Variants in CSMD1 observed in about 807,000 individuals in gnomAD.
CSMD1 encodes CUB and Sushi multiple domains 1.
CSMD1 carries 213 observed loss-of-function variants against 417.5 expected under a neutral mutation model. The ratio of observed to expected loss-of-function variants is 0.51; its 90% CI spans 0.46 to 0.57. The LOEUF is 0.57. Among genes scored for constraint, CSMD1 ranks in the 20% least tolerant of loss-of-function variants. The pLI is 0.00. For missense variants in CSMD1, 6,923 were observed against 4,529.7 expected, an observed-to-expected ratio of 1.53 and a Z score of -15.17; for synonymous variants, 2,862 against 1,736.8, an observed-to-expected ratio of 1.65 and a Z score of -16.11.
chr8:3,832,370 T>G (rs1802427060), intron 5 of CSMD1, among the ~76,000 whole-genome samples: 1 of 152,198 alleles, frequency 6.6e-6, no homozygotes, highest in Non-Finnish European at 1.5e-5. Context: ...ATATTTAGTT[T>G]TTTCTGGTGA....
chr8:3,759,015 G>C (rs930425414), intron 5 of CSMD1, among the ~76,000 whole-genome samples: 2 of 152,170 alleles, frequency 1.3e-5, no homozygotes, highest in African/African-American at 2.4e-5. Context: ...AACTGGAAAC[G>C]CAAACAAACG....
At chr8:3,053,586 C>T (rs542737435) in intron 49 of CSMD1, among the ~76,000 whole-genome samples, 1 of 152,194 alleles carries the variant, frequency 6.6e-6, no homozygotes, top group Admixed American at 6.5e-5. Context: ...GGACCGCTTT[C>T]ACGGGAAAGA....
chr8:4,586,567 G>T (rs1028701226), intron 2 of CSMD1, among the ~76,000 whole-genome samples: 1 of 150,928 alleles, frequency 6.6e-6, no homozygotes, highest in Non-Finnish European at 1.5e-5. Context: ...AACCTTTTTA[G>T]CATTTTTTTT....
At chr8:3,680,456 T>G (rs866288784) in intron 7 of CSMD1, among the ~76,000 whole-genome samples, 23 of 152,110 alleles carry the variant, frequency 1.5e-4, no homozygotes, top group African/African-American at 5.6e-4. Context: ...AGAAATTCCT[T>G]GACACATACA....
intron 6 of CSMD1, among the ~76,000 whole-genome samples, chr8:3,744,711 C>A (rs572173588): frequency 6.6e-6 from 1 of 152,298 alleles, no homozygotes; most frequent in East Asian, 1.9e-4. Flanking sequence ...GTTGTCTGGG[C>A]TATGAAATGA....
chr8:3,797,478 A>C (rs1800222954), intron 5 of CSMD1, among the ~76,000 whole-genome samples: 1 of 151,924 alleles, frequency 6.6e-6, no homozygotes, highest in Non-Finnish European at 1.5e-5. Context: ...TATTACCATA[A>C]ATTCATTACA....
intron 8 of CSMD1, among the ~76,000 whole-genome samples, chr8:3,606,703 C>G (rs116929028): frequency 0.03 from 3,827 of 126,404 alleles, 69 homozygotes; most frequent in Middle Eastern, 0.1. Context: ...AACAATTTTA[C>G]TTCGTTACAA....
chr8:4,418,840 G>A (rs1036144304), intron 3 of CSMD1, among the ~76,000 whole-genome samples: 6 of 152,098 alleles, frequency 3.9e-5, no homozygotes, highest in South Asian at 2.1e-4. Context: ...AGCCACTGAC[G>A]CTGGCTTATG....
At chr8:4,706,743 G>A (rs760309542) in intron 1 of CSMD1, among the ~76,000 whole-genome samples, 1 of 152,184 alleles carries the variant, frequency 6.6e-6, no homozygotes. Context: ...GAGGCAGAGG[G>A]TCAGAGAGAA....
In CSMD1 at chr8:3,830,693, C is replaced by T. The variant is rs1366376482; in HGVS notation, c.819-76651G>A. Among the ~76,000 whole-genome samples, 6 of 152,224 alleles carry T rather than the reference C, an allele frequency of 3.9e-5. No individual in the cohort carries two copies. The East Asian group carries it at 1.2e-3, about 29-fold the overall frequency. ...TCAGAAAACAGAGAGAAAAAAAATG[C>T]CCCAATTCCTCCCAGACCTGCTGAA... On this transcript the variant is annotated intron_variant, in intron 5 of 69. Transcript: ENST00000635120.
At chr8:4,860,118 G>A (rs1196199020) in intron 1 of CSMD1, among the ~76,000 whole-genome samples, 1 of 151,658 alleles carries the variant, frequency 6.6e-6, no homozygotes. Context: ...GTAGGGACAT[G>A]GATGAAATTG....
chr8:3,106,024 A>G (rs1310083838), intron 46 of CSMD1, among the ~76,000 whole-genome samples: 3 of 152,214 alleles, frequency 2.0e-5, no homozygotes, highest in East Asian at 3.8e-4. Context: ...CTAGGACTAG[A>G]TAAAAGAAAA....
At chr8:3,799,917 C>G (rs902140709) in intron 5 of CSMD1, among the ~76,000 whole-genome samples, 1 of 152,126 alleles carries the variant, frequency 6.6e-6, no homozygotes, top group Non-Finnish European at 1.5e-5. Flanking sequence ...ATGCAACTTT[C>G]CTGTTTCTCA....
At chr8:3,563,777 T>C (rs776744157) in intron 10 of CSMD1, among the ~76,000 whole-genome samples, 4 of 152,026 alleles carry the variant, frequency 2.6e-5, no homozygotes, top group Non-Finnish European at 5.9e-5. Context: ...TAATCACAGC[T>C]ACTCGGGAGG....
At chr8:3,565,716 A>T (rs1799677018) in intron 10 of CSMD1, among the ~76,000 whole-genome samples, 1 of 152,122 alleles carries the variant, frequency 6.6e-6, no homozygotes, top group African/African-American at 2.4e-5. Flanking sequence ...TTTAAAGCAA[A>T]TTTTTCTTAT....
chr8:3,580,029 G>C (rs953874389), intron 9 of CSMD1, among the ~76,000 whole-genome samples: 4 of 152,078 alleles, frequency 2.6e-5, no homozygotes, highest in Non-Finnish European at 2.9e-5. Context: ...CCTTGAGCTA[G>C]GGAGGTGGAA....
In CSMD1 at chr8:3,988,700, C is replaced by G. The variant is rs542671726; in HGVS notation, c.818+9203G>C. Among the ~76,000 whole-genome samples, 69 of 152,312 alleles carry G rather than the reference C, an allele frequency of 4.5e-4. No individual in the cohort carries two copies. In the South Asian group the frequency reaches 0.011, roughly 25 times the overall value. On this transcript the variant is annotated intron_variant, in intron 5 of 69. Coordinates refer to ENST00000635120, the MANE Select transcript of CSMD1 (RefSeq NM_033225.6). ...ATTTTTACTAAGTGATATACAGGAT[C>G]TAAACCAGGATAGCATTTTGATTTT...
chr8:4,454,733 A>T (rs1342628283), intron 2 of CSMD1, among the ~76,000 whole-genome samples: 1 of 152,204 alleles, frequency 6.6e-6, no homozygotes, highest in Admixed American at 6.5e-5. Context: ...AATGGATAAA[A>T]CTATACTCGT....
chr8:3,934,172 AG>A (rs1810332599), intron 5 of CSMD1, among the ~76,000 whole-genome samples: 1 of 152,198 alleles, frequency 6.6e-6, no homozygotes. Flanking sequence ...ATAACTGAAT[AG>A]AATCTCGGCT....
Sources: gnomAD v4.1 joint callset for allele counts (sites outside exome capture counted in the v4.1 genomes callset) on GRCh38, gnomAD v4.1.1 for gene constraint, MANE v1.5 for transcripts, NCBI Gene and HGNC (gene_info 2026-07-23, HGNC 2026-07-21) for gene names.